TTF2: variants seen among roughly 807,000 people sequenced by gnomAD.
TTF2 encodes RNA polymerase II termination factor.
A neutral mutation model predicts 142.4 loss-of-function variants in TTF2; 108 were observed. The observed-to-expected ratio is 0.76, with a 90% CI of 0.65 to 0.89. The LOEUF (loss-of-function observed/expected upper bound fraction) is 0.89. TTF2 is among the 40% of genes least tolerant of loss of function. The pLI is 0.00. For missense variants in TTF2, 1,327 were observed against 1,379.8 expected, an observed-to-expected ratio of 0.96 and a Z score of 0.61; for synonymous variants, 483 against 506.2, an observed-to-expected ratio of 0.95 and a Z score of 0.61.
In TTF2 at chr1:117,088,849, G is replaced by A. The variant is rs201886654; in HGVS notation, c.2209G>A (p.Asp737Asn). 226 of 1,614,008 alleles carry A rather than the reference G, an allele frequency of 1.4e-4. No homozygotes were observed. The highest frequency in any genetic ancestry group is 1.7e-4 in the Non-Finnish European group (195 of 1,180,014). ...LRIAWARIIL[D>N]EAHNVKNPRV... is the part of the protein sequence containing the mutation. The stretch of plus-strand genomic sequence containing the variant: ...AATAGCCTGGGCTCGAATCATATTG[G>A]ATGAAGCTCACAATGTTAAGAATCC... The change falls in exon 13 of 23, where the codon GAT becomes AAT. Residue 737 changes from aspartate to asparagine, a missense_variant. Physicochemically the swap from Asp to Asn is conservative, Grantham distance 23. Coordinates refer to ENST00000369466, the MANE Select transcript of TTF2 (RefSeq NM_003594.4).
At chr1:117,072,255 ATAGGGTACTG>A (rs1379804852) in intron 3 of TTF2, among the ~76,000 whole-genome samples, 1 of 151,970 alleles carries the variant, frequency 6.6e-6, no homozygotes, top group Non-Finnish European at 1.5e-5. Flanking sequence ...CAGAAGTAAG[ATAGGGTACTG>A]TAGCATGAGC....
At chr1:117,083,485 T>TA (rs1647718037) in intron 10 of TTF2, among the ~76,000 whole-genome samples, 1 of 152,192 alleles carries the variant, frequency 6.6e-6, no homozygotes, top group Non-Finnish European at 1.5e-5. Context: ...TACATTAAGT[T>TA]ATGCTTTTCA....
In TTF2 at chr1:117,086,583, T is replaced by TGAGAAAGACTCCCA; in HGVS notation, c.2160+61_2160+62insGAGAAAGACTCCCA. The TGAGAAAGACTCCCA allele has an allele frequency of 8.1e-7, 1 of 1,231,440 alleles. No individual in the cohort carries two copies. Among genetic ancestry groups the TGAGAAAGACTCCCA allele is most frequent in the Non-Finnish European group, 1.2e-6 (1 of 842,770 alleles). The allele number at this position is 1,231,440 out of a possible 1,614,324, so 76.3% of individuals were successfully genotyped here. ...AGCCACAGATGGTTTAATGGGAGTC[T>TGAGAAAGACTCCCA]TTCTCAGCCTCCACGATAGCAAGAG... On this transcript the variant is annotated intron_variant, in intron 12 of 22. Coordinates refer to ENST00000369466, the MANE Select transcript of TTF2 (RefSeq NM_003594.4). This position sits in a 1 kb window ranked among gnomAD's most constrained non-coding sequence, Gnocchi z 4.2.
chr1:117,077,158 A>G (rs2101036023), intron 7 of TTF2, among the ~76,000 whole-genome samples: 1 of 152,020 alleles, frequency 6.6e-6, no homozygotes, highest in African/African-American at 2.4e-5. Flanking sequence ...AGTACCATCC[A>G]GTTTCAAGCA....
At position 117,076,565 on chromosome 1, in the gene TTF2, A is replaced by G; in HGVS notation, c.1391-76A>G. The G allele has an allele frequency of 8.6e-6, 12 of 1,398,152 alleles. No individual in the cohort carries two copies. Among genetic ancestry groups the G allele is most frequent in the Non-Finnish European group, 1.2e-5 (12 of 1,021,492 alleles). The allele number at this position is 1,398,152 out of a possible 1,614,324, so 86.6% of individuals were successfully genotyped here. On this transcript the variant is annotated intron_variant, in intron 6 of 22. Transcript: ENST00000369466. This position sits in a 1 kb window ranked among gnomAD's most constrained non-coding sequence, Gnocchi z 4.6. The stretch of plus-strand genomic sequence containing the variant: ...GAATGGTGATGATCCCTCTCTCTTG[A>G]CCTCACCTCCACACATATGGTCCCT...
intron 2 of TTF2, among the ~76,000 whole-genome samples, chr1:117,061,899 A>G (rs1365079551): frequency 6.6e-6 from 1 of 152,182 alleles, no homozygotes; most frequent in East Asian, 1.9e-4. Flanking sequence ...CTCAAATGTT[A>G]TATATATTTA....
chr1:117,082,248 C>G (rs553146346), intron 10 of TTF2, among the ~76,000 whole-genome samples: 7 of 152,258 alleles, frequency 4.6e-5, no homozygotes, highest in South Asian at 4.1e-4. Context: ...GGGTCTCGCT[C>G]TGTTGCTCAG....
chr1:117,064,814 T>A (rs1168630043), intron 3 of TTF2, among the ~76,000 whole-genome samples: 1 of 144,272 alleles, frequency 6.9e-6, no homozygotes, highest in South Asian at 2.2e-4. Flanking sequence ...CTACTGCACC[T>A]GGCCTGTTTT....
chr1:117,084,775 C>T (rs901352571), intron 11 of TTF2, among the ~76,000 whole-genome samples: 3 of 152,076 alleles, frequency 2.0e-5, no homozygotes, highest in South Asian at 2.1e-4. Context: ...TTCTTAATTG[C>T]GGAGTGAAGA....
At chr1:117,071,673 T>C (rs1656591138) in intron 3 of TTF2, among the ~76,000 whole-genome samples, 1 of 152,158 alleles carries the variant, frequency 6.6e-6, no homozygotes, top group Admixed American at 6.5e-5. Flanking sequence ...TTAAAAGTTT[T>C]TGAGGAGTTA....
In TTF2 at chr1:117,092,076, A is replaced by G. The variant is rs181093949; in HGVS notation, c.2805+126A>G. The G allele has an allele frequency of 6.3e-5, 72 of 1,134,452 alleles. No individual in the cohort carries two copies. In the African/African-American group the frequency reaches 1.1e-3, roughly 17 times the overall value. The allele number at this position is 1,134,452 out of a possible 1,614,324, so 70.3% of individuals were successfully genotyped here. The stretch of plus-strand genomic sequence containing the variant: ...AAGGAAATGCTGTTTCGGTTTTTCT[A>G]TTTTTGTTTTTTGGTGGGTTGGAGA... On this transcript the variant is annotated intron_variant, in intron 17 of 22. Coordinates refer to ENST00000369466, the MANE Select transcript of TTF2 (RefSeq NM_003594.4). This position sits in a 1 kb window ranked among gnomAD's most constrained non-coding sequence, Gnocchi z 4.4.
At chr1:117,088,169 G>A (rs1230986772) in intron 12 of TTF2, among the ~76,000 whole-genome samples, 1 of 152,150 alleles carries the variant, frequency 6.6e-6, no homozygotes, top group Non-Finnish European at 1.5e-5. Flanking sequence ...GTTTTATTGA[G>A]TGAGTGAATT....
intron 20 of TTF2, 116 bp downstream of exon 20, chr1:117,096,415 T>A (rs770977448): frequency 1.5e-6 from 2 of 1,351,738 alleles, no homozygotes; most frequent in Admixed American, 2.3e-5. Flanking sequence ...TTTGCTCTTG[T>A]TGCCCAGGCT....
At chr1:117,071,378 A>G (rs1656562497) in intron 3 of TTF2, among the ~76,000 whole-genome samples, 1 of 152,214 alleles carries the variant, frequency 6.6e-6, no homozygotes, top group African/African-American at 2.4e-5. Context: ...AAAAATTTTC[A>G]AGGTATTAGG....
chr1:117,086,622 G>GTCC lies in TTF2; in HGVS notation c.2160+102_2160+103insCTC. ...CGATAGCAAGAGGACCTCCCTGGAG[G>GTCC]TCAGGAATGCTGTAAATGATCCGCA... is the stretch of plus-strand genomic sequence containing the variant. On this transcript the variant is annotated intron_variant, in intron 12 of 22. Coordinates refer to ENST00000369466, the MANE Select transcript of TTF2 (RefSeq NM_003594.4). This position sits in a 1 kb window ranked among gnomAD's most constrained non-coding sequence, Gnocchi z 4.2. 1 of 788,158 alleles carries GTCC rather than the reference G, an allele frequency of 1.3e-6. No individual in the cohort carries two copies. Among genetic ancestry groups the GTCC allele is most frequent in the Non-Finnish European group, 2.2e-6 (1 of 461,750 alleles). The allele number at this position is 788,158 out of a possible 1,614,324, so 48.8% of individuals were successfully genotyped here.
rs555726084 is a variant in TTF2 at position 117,063,814 on chromosome 1, A to G, written c.218+1341A>G. On this transcript the variant is annotated intron_variant, in intron 3 of 22. Coordinates refer to ENST00000369466, the MANE Select transcript of TTF2 (RefSeq NM_003594.4). This position sits in a 1 kb window ranked among gnomAD's most constrained non-coding sequence, Gnocchi z 4.1. Reference sequence around the variant, plus strand: ...TTGCAAGGCTTAGAAATATATCACAAACAGGATATTAATATTGGTACAACC... The same window carrying G: ...TTGCAAGGCTTAGAAATATATCACAGACAGGATATTAATATTGGTACAACC... Among the ~76,000 whole-genome samples the G allele has an allele frequency of 6.6e-5, 10 of 152,324 alleles. No homozygotes were observed. The highest frequency in any genetic ancestry group is 2.4e-4 in the African/African-American group (10 of 41,584).
rs932831042 is a variant in TTF2 at position 117,085,196 on chromosome 1, G to T, written c.2054+1028G>T. 2.0e-5 allele frequency among the ~76,000 whole-genome samples: 3 copies of T among 152,174 alleles called. No individual in the cohort carries two copies. Among genetic ancestry groups the T allele is most frequent in the Non-Finnish European group, 4.4e-5 (3 of 68,046 alleles). ...TTATACTTCTTTATATGATAGTAGG[G>T]TAACTTGTAGACACTGCTGCCTCTC... On this transcript the variant is annotated intron_variant, in intron 11 of 22. Transcript: ENST00000369466. This position sits in a 1 kb window ranked among gnomAD's most constrained non-coding sequence, Gnocchi z 4.7.
At position 117,090,928 on chromosome 1, in the gene TTF2, A is replaced by G. The variant is rs773183482; in HGVS notation, c.2588+305A>G. Among the ~76,000 whole-genome samples, 4 of 152,138 alleles carry G rather than the reference A, an allele frequency of 2.6e-5. No homozygotes were observed. The highest frequency in any genetic ancestry group is 5.9e-5 in the Non-Finnish European group (4 of 68,022). Reference sequence around the variant, plus strand: ...CCTCATGGGGCTGTACTGAATAATAATATCTCTTTGACATTTGACCTGTCA... The same window carrying G: ...CCTCATGGGGCTGTACTGAATAATAGTATCTCTTTGACATTTGACCTGTCA... On this transcript the variant is annotated intron_variant, in intron 15 of 22. Coordinates refer to ENST00000369466, the MANE Select transcript of TTF2 (RefSeq NM_003594.4). This position sits in a 1 kb window ranked among gnomAD's most constrained non-coding sequence, Gnocchi z 4.8.
In TTF2 at chr1:117,073,835, C is replaced by A; in HGVS notation, c.285+108C>A. Reference sequence around the variant, plus strand: ...CGTAAATGAGTTGGTCTTCATCAGACTGTCTCCGAAAGATAGTTTTCTTTA... The same window carrying A: ...CGTAAATGAGTTGGTCTTCATCAGAATGTCTCCGAAAGATAGTTTTCTTTA... On this transcript the variant is annotated intron_variant, in intron 4 of 22. Transcript: ENST00000369466. The surrounding 1 kb of genome is among the most constrained non-coding windows in gnomAD (Gnocchi z 4.4). The A allele has an allele frequency of 2.9e-6, 3 of 1,017,100 alleles. No individual in the cohort carries two copies. Among genetic ancestry groups the A allele is most frequent in the South Asian group, 1.9e-5 (1 of 53,982 alleles). 63.0% of individuals were successfully genotyped at this position (1,017,100 alleles called of 1,614,324 possible). A position where few individuals can be genotyped will look rare whatever the true frequency, so the allele number is the denominator to read the frequency against.
Sources: gnomAD v4.1 joint callset for allele counts (sites outside exome capture counted in the v4.1 genomes callset) on GRCh38, gnomAD v4.1.1 for gene constraint, Gnocchi (gnomAD v3.1) non-coding constraint, MANE v1.5 for transcripts, NCBI Gene and HGNC (gene_info 2026-07-23, HGNC 2026-07-21) for gene names.